SLX4IP: variants seen among roughly 807,000 people sequenced by gnomAD.
SLX4IP encodes protein SLX4IP.
Under a neutral mutation model 32.9 loss-of-function variants are expected in SLX4IP, and 34 were observed. The ratio of observed to expected loss-of-function variants is 1.03; its 90% CI spans 0.79 to 1.38. SLX4IP has a LOEUF of 1.38. Ranked by LOEUF, SLX4IP falls within the 40% of genes most tolerant of loss-of-function variation. The pLI is 0.00. For synonymous variants in SLX4IP, 172 were observed against 171.7 expected, an observed-to-expected ratio of 1.00 and a Z score of -0.01; for missense variants, 444 against 479.0, an observed-to-expected ratio of 0.93 and a Z score of 0.68.
chr20:10,530,908 A>G lies in SLX4IP; in HGVS notation c.28-25323A>G, dbSNP rs1476364236. ...TGATTAACACACTTTATCATATTAT[A>G]TACATGAGATATTTCTTACAGAGAG... On this transcript the variant is annotated intron_variant, in intron 2 of 7. Coordinates refer to ENST00000334534, the MANE Select transcript of SLX4IP (RefSeq NM_001009608.3). Among the ~76,000 whole-genome samples the G allele has an allele frequency of 5.3e-5, 8 of 152,248 alleles. 1 individual carries two copies. Among genetic ancestry groups the G allele is most frequent in the Non-Finnish European group, 1.2e-4 (8 of 68,044 alleles).
chr20:10,456,792 G>A (rs1041637932), intron 1 of SLX4IP, among the ~76,000 whole-genome samples: 2 of 152,306 alleles, frequency 1.3e-5, no homozygotes, highest in African/African-American at 4.8e-5. Context: ...GATTTTGATA[G>A]GGATTATGTT....
At chr20:10,606,755 A>G (rs946322569) in intron 6 of SLX4IP, among the ~76,000 whole-genome samples, 15 of 152,244 alleles carry the variant, frequency 9.9e-5, no homozygotes, top group African/African-American at 2.9e-4. Flanking sequence ...GTATCTCTTC[A>G]TACATCATAC....
chr20:10,480,989 G>A (rs904221380), intron 2 of SLX4IP, among the ~76,000 whole-genome samples: 4 of 151,836 alleles, frequency 2.6e-5, no homozygotes, highest in African/African-American at 9.7e-5. Flanking sequence ...TAGGTGACTT[G>A]TTTTTTGTTT....
At chr20:10,578,535 A>G (rs1424575660) in intron 4 of SLX4IP, among the ~76,000 whole-genome samples, 1 of 152,220 alleles carries the variant, frequency 6.6e-6, no homozygotes, top group East Asian at 1.9e-4. Flanking sequence ...TAATGCTACT[A>G]TGGGTATTCG....
chr20:10,602,949 CTCT>C (rs1351535139), intron 6 of SLX4IP, among the ~76,000 whole-genome samples: 2 of 152,176 alleles, frequency 1.3e-5, no homozygotes, highest in East Asian at 3.8e-4. Context: ...TTCATATTTC[CTCT>C]TCTTCATCCA....
intron 3 of SLX4IP, among the ~76,000 whole-genome samples, chr20:10,557,310 C>T (rs537267086): frequency 6.6e-6 from 1 of 152,250 alleles, no homozygotes; most frequent in South Asian, 2.1e-4. Flanking sequence ...AATACATTTT[C>T]ATTCAAAGGA....
chr20:10,502,622 T>A (rs929799928), intron 2 of SLX4IP, among the ~76,000 whole-genome samples: 2 of 152,096 alleles, frequency 1.3e-5, no homozygotes, highest in Non-Finnish European at 2.9e-5. Context: ...GTGTACTCCC[T>A]CTCTTTGGGC....
chr20:10,449,720 G>T (rs181684910), intron 1 of SLX4IP, among the ~76,000 whole-genome samples: 200 of 152,234 alleles, frequency 1.3e-3, no homozygotes, highest in Non-Finnish European at 2.2e-3. Context: ...ATAACTTGAG[G>T]CAGAGTGTGT....
At chr20:10,487,175 A>G (rs1254741448) in intron 2 of SLX4IP, among the ~76,000 whole-genome samples, 1 of 152,212 alleles carries the variant, frequency 6.6e-6, no homozygotes, top group African/African-American at 2.4e-5. Flanking sequence ...CATCCAGTCT[A>G]GTCCTGCTCA....
intron 1 of SLX4IP, among the ~76,000 whole-genome samples, chr20:10,451,933 A>T (rs1376259739): frequency 2.6e-5 from 4 of 152,072 alleles, no homozygotes; most frequent in Non-Finnish European, 5.9e-5. Context: ...GTGCCACTAC[A>T]CTCCAGCCCT....
In SLX4IP at chr20:10,441,064, G is replaced by A. The variant is rs145523744; in HGVS notation, c.-30+5611G>A. Among the ~76,000 whole-genome samples the A allele has an allele frequency of 6.8e-4, 103 of 152,224 alleles. 2 individuals are homozygous for A. The Middle Eastern group carries it at 0.02, about 30-fold the overall frequency. On this transcript the variant is annotated intron_variant, in intron 1 of 7. Transcript: ENST00000334534. ...TCATACGAAGAGTCAGAATTTGAAG[G>A]GATGTGTTTTACAAGAACCTAAGGA...
At chr20:10,519,997 CTATT>C (rs1374849286) in intron 2 of SLX4IP, among the ~76,000 whole-genome samples, 18 of 152,270 alleles carry the variant, frequency 1.2e-4, no homozygotes, top group African/African-American at 1.4e-4. Flanking sequence ...TGCTTATTGA[CTATT>C]TATTTTCTAG....
intron 2 of SLX4IP, among the ~76,000 whole-genome samples, chr20:10,521,850 T>G (rs1215304988): frequency 6.6e-6 from 1 of 152,148 alleles, no homozygotes; most frequent in African/African-American, 2.4e-5. Flanking sequence ...GTGTTTAAAT[T>G]TAGGAGCAGA....
intron 3 of SLX4IP, among the ~76,000 whole-genome samples, chr20:10,557,456 A>G (rs2122498067): frequency 6.6e-6 from 1 of 152,328 alleles, no homozygotes; most frequent in Admixed American, 6.5e-5. Flanking sequence ...TCTCTTCAGG[A>G]CTTTTAAATA....
intron 2 of SLX4IP, among the ~76,000 whole-genome samples, chr20:10,487,648 G>A (rs1600921764): frequency 6.6e-6 from 1 of 152,172 alleles, no homozygotes; most frequent in Non-Finnish European, 1.5e-5. Context: ...ACTGAGACCT[G>A]TTGGGAATCT....
intron 2 of SLX4IP, among the ~76,000 whole-genome samples, chr20:10,469,146 T>C (rs1417222965): frequency 6.6e-6 from 1 of 152,210 alleles, no homozygotes; most frequent in Non-Finnish European, 1.5e-5. Flanking sequence ...TCTAAAGCAT[T>C]TCTGAAGTGC....
At chr20:10,592,824 G>A (rs1312725313) in intron 4 of SLX4IP, among the ~76,000 whole-genome samples, 2 of 151,900 alleles carry the variant, frequency 1.3e-5, no homozygotes, top group South Asian at 2.1e-4. Flanking sequence ...AGTAGAGACA[G>A]GGTTTCACCA....
rs1356700870 is a variant in SLX4IP, at chr20:10,560,711, A to T, written c.129A>T (p.Leu43Phe). ...TTTATTTGCTTTAGGAAGTCTGTTT[A>T]CTGTTAAAAGAAACCATTGATTCAA... ...FSEQKKEEVC[L>F]LLKETIDSRV... Residue 43 changes from leucine (L) to phenylalanine (F), a missense_variant, in exon 4 of 8, where the codon TTA becomes TTT. Coordinates refer to ENST00000334534, the MANE Select transcript of SLX4IP (RefSeq NM_001009608.3). 6.3e-7 allele frequency: 1 copy of T among 1,583,062 alleles called. No homozygotes were observed. Among genetic ancestry groups the T allele is most frequent in the South Asian group, 1.2e-5 (1 of 85,068 alleles).
At chr20:10,604,590 T>A (rs1208060318) in intron 6 of SLX4IP, among the ~76,000 whole-genome samples, 1 of 152,182 alleles carries the variant, frequency 6.6e-6, no homozygotes, top group Non-Finnish European at 1.5e-5. Flanking sequence ...AAGGGAGTAA[T>A]CCCCCTCCTT....
Sources: gnomAD v4.1 joint callset for allele counts (sites outside exome capture counted in the v4.1 genomes callset) on GRCh38, gnomAD v4.1.1 for gene constraint, MANE v1.5 for transcripts, NCBI Gene and HGNC (gene_info 2026-07-23, HGNC 2026-07-21) for gene names.